PEX6: variants seen among roughly 807,000 people sequenced by gnomAD.
PEX6 encodes the protein peroxisomal biogenesis factor 6.
A neutral mutation model predicts 85.6 loss-of-function variants in PEX6; 55 were observed. The ratio of observed to expected loss-of-function variants is 0.64; its 90% confidence interval spans 0.52 to 0.80. PEX6 has a LOEUF of 0.80. PEX6 is among the 30% of genes least tolerant of loss of function. The probability of loss-of-function intolerance (pLI) is 0.00; values close to 1 mark genes in which losing one functional copy is unlikely to be tolerated. For synonymous variants in PEX6, 519 were observed against 549.1 expected (o/e 0.95, Z 0.77); for missense variants, 1,099 against 1,260.3 (o/e 0.87, Z 1.94).
chr6:42,967,358 T>C lies in PEX6; in HGVS notation c.1884+10A>G, dbSNP rs2114242251. The C allele has an allele frequency of 6.2e-7, 1 of 1,610,638 alleles. No homozygotes were observed. Among genetic ancestry groups the C allele is most frequent in the East Asian group, 2.2e-5 (1 of 44,802 alleles). ...CCTAGGGAGGGCCAGTACTCTCCCT[T>C]GATACTCACTGCACACCGCCGTGCT... On this transcript the variant is annotated intron_variant, in intron 8 of 16. Coordinates refer to ENST00000304611, the MANE Select transcript of PEX6 (RefSeq NM_000287.4).
intron 6 of PEX6, 151 bp downstream of exon 6, chr6:42,968,723 C>T: frequency 5.2e-6 from 4 of 771,366 alleles, no homozygotes; most frequent in Non-Finnish European, 2.3e-6. Flanking sequence ...CTCTCCATAG[C>T]TCAGCATCAT....
intron 2 of PEX6, among the ~76,000 whole-genome samples, chr6:42,974,291 T>C (rs1366966926): frequency 1.3e-5 from 2 of 152,124 alleles, no homozygotes; most frequent in Non-Finnish European, 2.9e-5. Flanking sequence ...CAGAGACAGA[T>C]GAGTGGCAGA....
chr6:42,977,696 G>C (rs1186381652), intron 1 of PEX6, among the ~76,000 whole-genome samples: 2 of 145,074 alleles, frequency 1.4e-5, no homozygotes, highest in East Asian at 4.3e-4. Flanking sequence ...TTGAACCTGG[G>C]AGGCGGAGGT....
intron 7 of PEX6, 109 bp downstream of exon 7, chr6:42,968,181 G>A: frequency 2.2e-6 from 2 of 890,962 alleles, no homozygotes; most frequent in Non-Finnish European, 1.9e-6. Flanking sequence ...TCCTGATCAA[G>A]GCAGGTGATC....
rs1742377040 is a variant in PEX6 at position 42,964,540 on chromosome 6, C to G, written c.2807-69G>C. The G allele has an allele frequency of 6.4e-7, 1 of 1,574,448 alleles. No homozygotes were observed. The highest frequency in any genetic ancestry group is 8.7e-7 in the Non-Finnish European group (1 of 1,147,078). ...GGGGAGAGCCCTGCGAAGGTGGCTTCCTGCTCAGGGTCTCCTAGATGTCAA... is the reference window on the plus strand; with the variant it reads ...GGGGAGAGCCCTGCGAAGGTGGCTTGCTGCTCAGGGTCTCCTAGATGTCAA... On this transcript the variant is annotated intron_variant, in intron 16 of 16. Transcript: ENST00000304611. The surrounding 1 kb of genome is among the most constrained non-coding windows in gnomAD (Gnocchi z 4.6).
intron 1 of PEX6, among the ~76,000 whole-genome samples, chr6:42,977,846 T>G (rs9296408): frequency 0.26 from 27,345 of 104,014 alleles, 3,597 homozygotes; most frequent in Non-Finnish European, 0.35. Context: ...ATTATGCTTT[T>G]TTTTTTTTTT....
In PEX6 at chr6:42,965,339, T is replaced by G; in HGVS notation, c.2501A>C (p.Asp834Ala). The change falls in exon 14 of 17, where the codon GAT becomes GCT. Residue 834 changes from aspartate to alanine, a missense_variant. This residue lies in a region of PEX6 where 514 missense variants were observed against 627.0 expected (regional missense o/e 0.82). Transcript: ENST00000304611. The surrounding 1 kb of genome is among the most constrained non-coding windows in gnomAD (Gnocchi z 5.0). The stretch of plus-strand genomic sequence containing the variant: ...CACATCCTGAGTGCTGTGCAGCCCA[T>G]CTAGCTCGGCAAGGAGCTGAGACAC... ...RVVSQLLAEL[D>A]GLHSTQDVFV... The G allele has an allele frequency of 1.9e-6, 3 of 1,613,980 alleles. No individual in the cohort carries two copies. Among genetic ancestry groups the G allele is most frequent in the South Asian group, 2.2e-5 (2 of 91,080 alleles).
At position 42,978,776 on chromosome 6, in the gene PEX6, C is replaced by A. The variant is rs765259967; in HGVS notation, c.375G>T (p.Val125=). 4 of 1,534,742 alleles carry A rather than the reference C, an allele frequency of 2.6e-6. No individual in the cohort carries two copies. Among genetic ancestry groups the A allele is most frequent in the Non-Finnish European group, 3.5e-6 (4 of 1,146,802 alleles). The change falls in exon 1 of 17, where the codon GTG becomes GTT. Residue 125 remains valine, a synonymous_variant. Transcript: ENST00000304611. ...GCACTGGGAGGGTCTCTCCGCGCCT[C>A]ACCAGCAGCGGCCCGACTCGCGGTC... ...GLGPRVGPLL[V]RRGETLPVPG... is the part of the protein sequence containing the mutation.
Position 42,978,936 on chromosome 6 carries a change from G to T in PEX6, c.215C>A (p.Pro72Gln). 6.7e-7 allele frequency: 1 copy of T among 1,488,692 alleles called. No homozygotes were observed. 92.2% of individuals were successfully genotyped at this position (1,488,692 alleles called of 1,614,324 possible). Reference sequence around the variant, plus strand: ...CAGCGCGCGGCTAACCAGTAGCTGCGGCGGCCCGGGACCCTGCTCTTCGGT... The same window carrying T: ...CAGCGCGCGGCTAACCAGTAGCTGCTGCGGCCCGGGACCCTGCTCTTCGGT... ...AGTEEQGPGP[P>Q]QLLVSRALLR... Residue 72 changes from proline to glutamine, a missense_variant, in exon 1 of 17, where the codon CCG becomes CAG. Pro to Gln is a moderately conservative substitution (Grantham distance 76). This residue lies in a region of PEX6 where 579 missense variants were observed against 611.6 expected (regional missense o/e 0.95). Coordinates refer to ENST00000304611, the MANE Select transcript of PEX6 (RefSeq NM_000287.4).
intron 8 of PEX6, 77 bp from the exon 9 acceptor site, chr6:42,966,935 C>T: frequency 3.9e-6 from 4 of 1,026,582 alleles, no homozygotes; most frequent in East Asian, 2.4e-5. Context: ...CCAGCTAGAG[C>T]AGAGGCCCTC....
In PEX6 at chr6:42,978,999, G is replaced by T. The variant is rs931068715; in HGVS notation, c.152C>A (p.Ala51Glu). Reference protein sequence around the residue: ...RPAGESPAGPALLVAALEGPD... With the variant: ...RPAGESPAGPELLVAALEGPD... ...CCCCTCCAGGGCTGCCACCAGCAGC[G>T]CCGGCCCTGCCGGGCTCTCCCCTGC... Residue 51 changes from alanine to glutamate, a missense_variant, in exon 1 of 17, where the codon GCG (alanine) becomes GAG (glutamate). Coordinates refer to ENST00000304611, the MANE Select transcript of PEX6 (RefSeq NM_000287.4). 13 of 1,512,962 alleles carry T rather than the reference G, an allele frequency of 8.6e-6. No individual in the cohort carries two copies. The East Asian group carries it at 3.4e-4, about 39-fold the overall frequency. 93.7% of individuals were successfully genotyped at this position (1,512,962 alleles called of 1,614,324 possible).
chr6:42,966,781 C>T lies in PEX6; in HGVS notation c.1961+1G>A. The stretch of plus-strand genomic sequence containing the variant: ...CCTTTCCGGTGCCCACGTCCTCTTA[C>T]CCTGAGTTCTTGATCCTGGTGCAGG... On this transcript the variant is annotated splice_donor_variant, in intron 9 of 16. Transcript: ENST00000304611. LOFTEE classifies it high-confidence loss of function. 1 of 1,613,998 alleles carries T rather than the reference C, an allele frequency of 6.2e-7. No individual in the cohort carries two copies. Among genetic ancestry groups the T allele is most frequent in the South Asian group, 1.1e-5 (1 of 91,080 alleles).
Position 42,964,760 on chromosome 6 carries a change from G to A in PEX6, c.2806+30C>T. 1 of 1,613,732 alleles carries A rather than the reference G, an allele frequency of 6.2e-7. No individual in the cohort carries two copies. Among genetic ancestry groups the A allele is most frequent in the South Asian group, 1.1e-5 (1 of 91,066 alleles). ...CACCCAGCTCCCCACTAGCTTTTTGGTTGACCTCTCAGACCGGCAAGTGGC... is the reference window on the plus strand; with the variant it reads ...CACCCAGCTCCCCACTAGCTTTTTGATTGACCTCTCAGACCGGCAAGTGGC... On this transcript the variant is annotated intron_variant, in intron 16 of 16. Transcript: ENST00000304611. This position sits in a 1 kb window ranked among gnomAD's most constrained non-coding sequence, Gnocchi z 4.6.
chr6:42,965,007 A>G lies in PEX6; in HGVS notation c.2666+68T>C. ...GCCAGTGCTGACCAGCTCATCCTGC[A>G]TGTTGCATGCATCCCCTAAGCATCC... On this transcript the variant is annotated intron_variant, in intron 15 of 16. Transcript: ENST00000304611. The surrounding 1 kb of genome is among the most constrained non-coding windows in gnomAD (Gnocchi z 5.0). The G allele has an allele frequency of 1.2e-6, 2 of 1,611,932 alleles. No homozygotes were observed. Among genetic ancestry groups the G allele is most frequent in the East Asian group, 2.2e-5 (1 of 44,872 alleles).
intron 12 of PEX6, 25 bp downstream of exon 12, chr6:42,966,019 G>A (rs370959567): frequency 2.5e-5 from 40 of 1,611,844 alleles, no homozygotes; most frequent in East Asian, 1.6e-4. Flanking sequence ...AGCATGGGAC[G>A]CCCTGCCCCT....
intron 3 of PEX6, 72 bp from the exon 4 acceptor site, chr6:42,970,059 C>T (rs1770010345): frequency 1.6e-6 from 2 of 1,216,502 alleles, no homozygotes; most frequent in East Asian, 4.7e-5. Flanking sequence ...CAAGGTTTCT[C>T]AATCACAGAG....
rs145849057 is a variant in PEX6, at chr6:42,966,313, A to G, written c.2229T>C (p.His743=). Residue 743 remains histidine, a synonymous_variant, in exon 11 of 17, where the codon CAT becomes CAC. Transcript: ENST00000304611. ...LGLRRSGLLL[H]GPPGTGKTLL... The stretch of plus-strand genomic sequence containing the variant: ...GGGTCTTGCCGGTGCCAGGGGGCCC[A>G]TGGAGCAGAAGGCCTGAGCGTCTCA... The G allele has an allele frequency of 1.0e-4, 165 of 1,613,052 alleles. No individual in the cohort carries two copies. Among genetic ancestry groups the G allele is most frequent in the East Asian group, 2.7e-4 (12 of 44,882 alleles).
At position 42,964,010 on chromosome 6, in the gene PEX6, G is replaced by T; in HGVS notation, c.*325C>A. The T allele has an allele frequency of 2.2e-6, 1 of 464,442 alleles. No homozygotes were observed. Among genetic ancestry groups the T allele is most frequent in the Non-Finnish European group, 3.9e-6 (1 of 257,280 alleles). The allele number at this position is 464,442 out of a possible 1,614,324, so 28.8% of individuals were successfully genotyped here. ...AACCTTTCATGCCACAACACCAGTA[G>T]GGGGCGGGACATGCTTTATTTTCAG... On this transcript the variant is annotated 3_prime_UTR_variant, in exon 17 of 17. Transcript: ENST00000304611. The surrounding 1 kb of genome is among the most constrained non-coding windows in gnomAD (Gnocchi z 4.6).
At chr6:42,978,184 G>C in intron 1 of PEX6, 85 bp downstream of exon 1, 4 of 1,477,348 alleles carry the variant, frequency 2.7e-6, no homozygotes, top group Non-Finnish European at 3.8e-6. Context: ...TATGGGGCAC[G>C]AGTCCTAAAT....
Sources: allele counts gnomAD v4.1 joint callset (sites outside exome capture counted in the v4.1 genomes callset), GRCh38; gene constraint gnomAD v4.1.1; regional missense constraint gnomAD v4.1.1; non-coding constraint Gnocchi (gnomAD v3.1); transcripts MANE v1.5; gene names NCBI Gene and HGNC (gene_info 2026-07-23, HGNC 2026-07-21).